Variants in EVI5 observed in about 807,000 individuals in gnomAD.
EVI5 encodes ecotropic viral integration site 5 protein homolog.
EVI5 carries 73 observed loss-of-function variants against 112.0 expected under a neutral mutation model. That is an observed-to-expected ratio of 0.65 (90% CI 0.54 to 0.79). The LOEUF (loss-of-function observed/expected upper bound fraction) is 0.79, where lower values mean the gene tolerates loss of function less well. Among genes scored for constraint, EVI5 ranks in the 30% least tolerant of loss-of-function variants. The pLI is 0.00. For synonymous variants in EVI5, 305 were observed against 319.9 expected, an observed-to-expected ratio of 0.95 and a Z score of 0.50; for missense variants, 900 against 968.8, an observed-to-expected ratio of 0.93 and a Z score of 0.94.
At chr1:92,687,667 C>G (rs903416176) in intron 9 of EVI5, among the ~76,000 whole-genome samples, 1 of 152,144 alleles carries the variant, frequency 6.6e-6, no homozygotes, top group Non-Finnish European at 1.5e-5. Context: ...TATCCAGCAT[C>G]TACAAAGAAC....
intron 1 of EVI5, chr1:92,756,724 C>T: frequency 2.1e-6 from 1 of 486,072 alleles, no homozygotes; most frequent in Admixed American, 2.2e-5. Flanking sequence ...CCTACATCAA[C>T]CAAGCTGTTG....
At chr1:92,559,656 C>A (rs999383716) in intron 19 of EVI5, among the ~76,000 whole-genome samples, 3 of 151,382 alleles carry the variant, frequency 2.0e-5, no homozygotes, top group African/African-American at 7.3e-5. Flanking sequence ...TGCCTGTAAC[C>A]CTAGCTACTC....
intron 2 of EVI5, among the ~76,000 whole-genome samples, chr1:92,728,560 G>GT (rs1248881712): frequency 6.6e-6 from 1 of 152,068 alleles, no homozygotes; most frequent in Non-Finnish European, 1.5e-5. Context: ...GCTAATTGTT[G>GT]TATTTTTAGT....
intron 1 of EVI5, among the ~76,000 whole-genome samples, chr1:92,747,797 T>C (rs1232757271): frequency 2.0e-5 from 3 of 151,484 alleles, no homozygotes; most frequent in Non-Finnish European, 4.4e-5. Flanking sequence ...AACCAAGTTG[T>C]CAGCAGGGTC....
chr1:92,696,134 G>T (rs1670283555), intron 6 of EVI5, among the ~76,000 whole-genome samples: 1 of 151,916 alleles, frequency 6.6e-6, no homozygotes, highest in South Asian at 2.1e-4. Flanking sequence ...GTTTTGCCAT[G>T]TTGCCCAGGC....
At chr1:92,595,056 C>A (rs1450185526) in intron 18 of EVI5, among the ~76,000 whole-genome samples, 10 of 151,954 alleles carry the variant, frequency 6.6e-5, no homozygotes, top group Middle Eastern at 3.4e-3. Context: ...CCAGCCATCC[C>A]ATCACTGGGT....
intron 19 of EVI5, among the ~76,000 whole-genome samples, chr1:92,546,582 G>A (rs1274026725): frequency 1.3e-5 from 2 of 152,110 alleles, no homozygotes; most frequent in East Asian, 3.9e-4. Flanking sequence ...TGTAATACCA[G>A]CTACTCAGGA....
Position 92,512,827 on chromosome 1 carries a change from A to T in EVI5, c.*829T>A, listed in dbSNP as rs945059077. ...ATAATTTTCATGAAAAAATAAAAAT[A>T]GAAAAAAAAAACCTCCCAGACACAA... On this transcript the variant is annotated 3_prime_UTR_variant, in exon 20 of 20. Transcript: ENST00000684568. 2 of 147,886 alleles carry T rather than the reference A, an allele frequency of 1.4e-5. No individual in the cohort carries two copies. The highest frequency in any genetic ancestry group is 4.9e-5 in the African/African-American group (2 of 41,158). The allele number at this position is 147,886 out of a possible 1,614,324, so 9.2% of individuals were successfully genotyped here.
rs1404395707 is a variant in EVI5, at chr1:92,643,132, G to A, written c.1393-6796C>T. On this transcript the variant is annotated intron_variant, in intron 13 of 19. Coordinates refer to ENST00000684568, the MANE Select transcript of EVI5 (RefSeq NM_001350197.2). ...ATGTGCAACTGTGTGAAATATCACT[G>A]GAGGATTTCTACATCTAGGGGCTTC... Among the ~76,000 whole-genome samples the A allele has an allele frequency of 2.0e-5, 3 of 152,082 alleles. No individual in the cohort carries two copies. The East Asian group carries it at 5.8e-4, about 29-fold the overall frequency.
intron 10 of EVI5, among the ~76,000 whole-genome samples, chr1:92,670,375 A>C (rs1665665865): frequency 6.6e-6 from 1 of 152,212 alleles, no homozygotes; most frequent in Non-Finnish European, 1.5e-5. Flanking sequence ...TCACTGAGAC[A>C]GTCTAGTGAT....
At chr1:92,536,572 T>A (rs1663937293) in intron 19 of EVI5, among the ~76,000 whole-genome samples, 1 of 152,204 alleles carries the variant, frequency 6.6e-6, no homozygotes, top group Non-Finnish European at 1.5e-5. Flanking sequence ...GACTTCATCA[T>A]CATTAAGGAT....
intron 2 of EVI5, among the ~76,000 whole-genome samples, chr1:92,712,918 A>G (rs1331137427): frequency 6.6e-6 from 1 of 151,316 alleles, no homozygotes; most frequent in Non-Finnish European, 1.5e-5. Flanking sequence ...TACAATTAAA[A>G]GCTTTTTAAA....
At chr1:92,624,521 C>T (rs1474427331) in intron 15 of EVI5, among the ~76,000 whole-genome samples, 187 bp from the exon 16 acceptor site, 2 of 151,198 alleles carry the variant, frequency 1.3e-5, no homozygotes, top group Non-Finnish European at 2.9e-5. Context: ...ATAAAAAGAC[C>T]TTTGCAGATC....
intron 19 of EVI5, among the ~76,000 whole-genome samples, chr1:92,560,557 CTTT>C (rs920308847): frequency 6.8e-6 from 1 of 147,828 alleles, no homozygotes; most frequent in South Asian, 2.2e-4. Flanking sequence ...ACTTTTTTTT[CTTT>C]TTTTTTTGAG....
intron 19 of EVI5, among the ~76,000 whole-genome samples, chr1:92,553,297 ATT>A (rs147973775): frequency 4.0e-5 from 3 of 74,210 alleles, no homozygotes; most frequent in Admixed American, 2.1e-4. Context: ...CACCTGGCCA[ATT>A]TTTTTTTTTT....
intron 2 of EVI5, among the ~76,000 whole-genome samples, chr1:92,715,615 G>A (rs1032154574): frequency 6.6e-6 from 1 of 152,176 alleles, no homozygotes; most frequent in Non-Finnish European, 1.5e-5. Context: ...TGGTTGGACA[G>A]TGGGTGCAGC....
chr1:92,513,692 G>C lies in EVI5; in HGVS notation c.2445C>G (p.Pro815=). The C allele has an allele frequency of 1.9e-6, 3 of 1,599,560 alleles. No individual in the cohort carries two copies. The highest frequency in any genetic ancestry group is 2.3e-5 in the East Asian group (1 of 44,312). The change falls in exon 20 of 20, where the codon CCC becomes CCG. Residue 815 remains proline (P), a synonymous_variant. Transcript: ENST00000684568. Reference sequence around the variant, plus strand: ...TTGAATACGACTCTCTTCTTCTCGGGGGCCGCTCCTTTTGAACCACTTGGT... The same window carrying C: ...TTGAATACGACTCTCTTCTTCTCGGCGGCCGCTCCTTTTGAACCACTTGGT... ...ESNQVVQKER[P]PRRRESYSTT...
intron 19 of EVI5, among the ~76,000 whole-genome samples, chr1:92,550,781 A>AAAAAATATAT (rs1557766166): frequency 2.0e-4 from 4 of 20,316 alleles, no homozygotes; most frequent in Non-Finnish European, 2.3e-4. Context: ...AAAAAAAAAA[A>AAAAAATATAT]ATATATATAT....
intron 2 of EVI5, among the ~76,000 whole-genome samples, chr1:92,720,901 T>C (rs573510274): frequency 3.9e-5 from 6 of 152,300 alleles, no homozygotes; most frequent in Admixed American, 2.0e-4. Flanking sequence ...AAGACATTTA[T>C]GCAGCATACA....
Sources: gnomAD v4.1 joint callset for allele counts (sites outside exome capture counted in the v4.1 genomes callset) on GRCh38, gnomAD v4.1.1 for gene constraint, MANE v1.5 for transcripts, NCBI Gene and HGNC (gene_info 2026-07-23, HGNC 2026-07-21) for gene names.